TP53BP1: variants seen among roughly 807,000 people sequenced by gnomAD.
TP53BP1 encodes TP53-binding protein 1.
Under a neutral mutation model 200.8 loss-of-function variants are expected in TP53BP1, and 61 were observed. The observed-to-expected ratio is 0.30, with a 90% confidence interval of 0.25 to 0.38. TP53BP1 has a LOEUF of 0.38. Among genes scored for constraint, TP53BP1 ranks in the 10% least tolerant of loss-of-function variants. The pLI is 1.00. For missense variants in TP53BP1, 2,144 were observed against 2,371.9 expected, an observed-to-expected ratio of 0.90 and a Z score of 2.00; for synonymous variants, 822 against 844.3, an observed-to-expected ratio of 0.97 and a Z score of 0.46.
chr15:43,466,335 GTT>G lies in TP53BP1; in HGVS notation c.1389+3521_1389+3522del, dbSNP rs1427757556. ...AAGGCTCCTCAACATCCTGAAAGGAGTTTCTGACAATTGGTGGAGAATCTAGG... is the reference window on the plus strand; with the variant it reads ...AAGGCTCCTCAACATCCTGAAAGGAGTCTGACAATTGGTGGAGAATCTAGG... On this transcript the variant is annotated intron_variant, in intron 11 of 27. Coordinates refer to ENST00000382044, the MANE Select transcript of TP53BP1 (RefSeq NM_001141980.3). Among the ~76,000 whole-genome samples, 4 of 152,182 alleles carry G rather than the reference GTT, an allele frequency of 2.6e-5. No homozygotes were observed. The East Asian group carries it at 7.7e-4, about 29-fold the overall frequency.
In TP53BP1 at chr15:43,446,418, C is replaced by T. The variant is rs45479696; in HGVS notation, c.3009G>A (p.Ala1003=). The change falls in exon 14 of 28, where the codon GCG becomes GCA. Residue 1003 remains alanine (A), a synonymous_variant. Coordinates refer to ENST00000382044, the MANE Select transcript of TP53BP1 (RefSeq NM_001141980.3). ...RMKLVSPETE[A]SEESLQFNLE... ...GGTTGAACTGCAAAGACTCTTCACT[C>T]GCCTCAGTCTCAGGACTAACCAGTT... The T allele has an allele frequency of 7.4e-6, 12 of 1,614,152 alleles. No homozygotes were observed. In the East Asian group the frequency reaches 1.3e-4, roughly 18 times the overall value.
At chr15:43,416,090 G>C (rs1461016383) in intron 22 of TP53BP1, 135 bp downstream of exon 22, 28 of 850,270 alleles carry the variant, frequency 3.3e-5, no homozygotes, top group Non-Finnish European at 4.6e-5. Context: ...GAAAATGACA[G>C]CTCATCCACC....
chr15:43,465,482 G>T (rs955326264), intron 11 of TP53BP1, among the ~76,000 whole-genome samples: 1 of 151,324 alleles, frequency 6.6e-6, no homozygotes, highest in Non-Finnish European at 1.5e-5. Context: ...AAAAGTAGGA[G>T]GCAAAATAAA....
intron 12 of TP53BP1, among the ~76,000 whole-genome samples, chr15:43,448,515 T>G (rs1032980779): frequency 1.2e-4 from 18 of 152,094 alleles, no homozygotes; most frequent in African/African-American, 4.3e-4. Context: ...GATAATTTTT[T>G]CCTTTAAAAC....
intron 17 of TP53BP1, among the ~76,000 whole-genome samples, chr15:43,431,016 A>G (rs1004479127): frequency 2.0e-5 from 3 of 152,184 alleles, no homozygotes; most frequent in African/African-American, 7.2e-5. Flanking sequence ...ACTTGAATGC[A>G]AGCAATGCAA....
chr15:43,452,096 C>G (rs1228326245), intron 12 of TP53BP1, among the ~76,000 whole-genome samples: 1 of 152,220 alleles, frequency 6.6e-6, no homozygotes, highest in Non-Finnish European at 1.5e-5. Flanking sequence ...GATCATGTCA[C>G]TGCACTCCAG....
chr15:43,456,082 T>A lies in TP53BP1; in HGVS notation c.2526A>T (p.Leu842Phe). 6.2e-7 allele frequency: 1 copy of A among 1,614,224 alleles called. No homozygotes were observed. The highest frequency in any genetic ancestry group is 8.5e-7 in the Non-Finnish European group (1 of 1,180,036). Residue 842 changes from leucine to phenylalanine, a missense_variant, in exon 12 of 28, where the codon TTA (leucine) becomes TTT (phenylalanine). Transcript: ENST00000382044. The stretch of plus-strand genomic sequence containing the variant: ...GTCTTAAAGGATCATCTGCTCTCAC[T>A]AAAGGTAAGGAAGGCTGTGAAGAAT... ...EQDSSQPSLP[L>F]VRADDPLRLD...
chr15:43,404,317 A>C lies in TP53BP1; in HGVS notation c.*3066T>G. 1 of 1,492,416 alleles carries C rather than the reference A, an allele frequency of 6.7e-7. No individual in the cohort carries two copies. The allele number at this position is 1,492,416 out of a possible 1,614,324, so 92.4% of individuals were successfully genotyped here. ...CAGGTGGTTCTGTAGAATTTTGAACAAGGCTTTTCCAAGAAACTCCTCCCT... is the reference window on the plus strand; with the variant it reads ...CAGGTGGTTCTGTAGAATTTTGAACCAGGCTTTTCCAAGAAACTCCTCCCT... On this transcript the variant is annotated 3_prime_UTR_variant, in exon 28 of 28. Coordinates refer to ENST00000382044, the MANE Select transcript of TP53BP1 (RefSeq NM_001141980.3).
chr15:43,460,567 CTA>C (rs1224781311), intron 11 of TP53BP1, among the ~76,000 whole-genome samples: 1 of 152,004 alleles, frequency 6.6e-6, no homozygotes, highest in Non-Finnish European at 1.5e-5. Flanking sequence ...GCTTTTTTTC[CTA>C]TGATTTTTAA....
chr15:43,478,144 T>A (rs1313231453), intron 7 of TP53BP1, among the ~76,000 whole-genome samples: 1 of 152,234 alleles, frequency 6.6e-6, no homozygotes, highest in Admixed American at 6.5e-5. Context: ...TGACATTCCA[T>A]GGAAAGCATT....
intron 24 of TP53BP1, among the ~76,000 whole-genome samples, chr15:43,410,212 T>C (rs1197541168): frequency 6.6e-6 from 1 of 152,248 alleles, no homozygotes; most frequent in Non-Finnish European, 1.5e-5. Context: ...GGGTTTATTA[T>C]AAACCACTGC....
At chr15:43,416,036 TTC>T (rs772912184) in intron 22 of TP53BP1, among the ~76,000 whole-genome samples, 187 bp downstream of exon 22, 15 of 152,176 alleles carry the variant, frequency 9.9e-5, no homozygotes, top group Admixed American at 2.0e-4. Flanking sequence ...CCTAAGGACT[TTC>T]TGTTTGGTAC....
At chr15:43,474,269 C>A (rs1183328912) in intron 10 of TP53BP1, among the ~76,000 whole-genome samples, 1 of 152,160 alleles carries the variant, frequency 6.6e-6, no homozygotes, top group African/African-American at 2.4e-5. Flanking sequence ...TCCCTGCACG[C>A]CTCCCTGCAA....
At chr15:43,466,223 A>T (rs1392357578) in intron 11 of TP53BP1, among the ~76,000 whole-genome samples, 1 of 152,212 alleles carries the variant, frequency 6.6e-6, no homozygotes, top group Non-Finnish European at 1.5e-5. Flanking sequence ...GTTAACAGTT[A>T]TGCACCAGGC....
In TP53BP1 at chr15:43,421,898, C is replaced by A; in HGVS notation, c.4057G>T (p.Asp1353Tyr). 6.2e-7 allele frequency: 1 copy of A among 1,614,248 alleles called. No individual in the cohort carries two copies. Among genetic ancestry groups the A allele is most frequent in the Non-Finnish European group, 8.5e-7 (1 of 1,180,048 alleles). The change falls in exon 19 of 28, where the codon GAT becomes TAT. Residue 1353 changes from aspartate (D) to tyrosine (Y), a missense_variant. Around this residue, in one of 4 missense-constraint regions of TP53BP1, gnomAD observed 1,700 missense variants for 1,710.3 expected, o/e 0.99. Coordinates refer to ENST00000382044, the MANE Select transcript of TP53BP1 (RefSeq NM_001141980.3). ...RGKTSGTEPA[D>Y]FALPSSRGGP... is the part of the protein sequence containing the mutation. ...CCTCGGGAGCTGGGTAAGGCAAAAT[C>A]TGCGGGTTCTGTCCCGCTGGTTTTC...
At chr15:43,430,722 T>C in intron 17 of TP53BP1, among the ~76,000 whole-genome samples, 1 of 152,168 alleles carries the variant, frequency 6.6e-6, no homozygotes, top group Non-Finnish European at 1.5e-5. Flanking sequence ...CTATACACTA[T>C]GTTTCTTCCT....
chr15:43,479,862 T>C lies in TP53BP1; in HGVS notation c.655A>G (p.Thr219Ala), dbSNP rs1350629710. The change falls in exon 6 of 28, where the codon ACT becomes GCT. Residue 219 changes from threonine to alanine, a missense_variant. By Grantham distance (58) the Thr-to-Ala change is moderately conservative. Transcript: ENST00000382044. ...YTRLSDVDAN[T>A]AIKHEEQSNE... ...TGCCAGAAAACATGTTTCATACCAGTATTAGCATCCACATCAGACAGCCTG... is the reference window on the plus strand; with the variant it reads ...TGCCAGAAAACATGTTTCATACCAGCATTAGCATCCACATCAGACAGCCTG... The C allele has an allele frequency of 1.2e-6, 2 of 1,614,206 alleles. No individual in the cohort carries two copies. Among genetic ancestry groups the C allele is most frequent in the Admixed American group, 3.3e-5 (2 of 60,028 alleles).
intron 11 of TP53BP1, among the ~76,000 whole-genome samples, chr15:43,465,014 T>C (rs531895305): frequency 6.6e-6 from 1 of 152,098 alleles, no homozygotes; most frequent in African/African-American, 2.4e-5. Context: ...GGAATGAAAA[T>C]CTGATACATG....
chr15:43,416,269 T>G lies in TP53BP1; in HGVS notation c.4829A>C (p.Tyr1610Ser), dbSNP rs967580819. The G allele has an allele frequency of 6.2e-7, 1 of 1,614,194 alleles. No homozygotes were observed. The highest frequency in any genetic ancestry group is 8.5e-7 in the Non-Finnish European group (1 of 1,180,022). Residue 1610 changes from tyrosine to serine, a missense_variant, in exon 22 of 28, where the codon TAT (tyrosine) becomes TCT (serine). Physicochemically the swap from Tyr to Ser is moderately radical, Grantham distance 144 (BLOSUM62 -2). This residue lies in a region of TP53BP1 where 334 missense variants were observed against 453.4 expected (regional missense o/e 0.74). Transcript: ENST00000382044. ...CTTTGTAAGAGGTGTTACTGCTTCA[T>G]AGGGGCCAAGCCCATACTGCTCTCT... ...RLREQYGLGP[Y>S]EAVTPLTKAA...
Sources: gnomAD v4.1 joint callset for allele counts (sites outside exome capture counted in the v4.1 genomes callset) on GRCh38, gnomAD v4.1.1 for gene constraint, gnomAD v4.1.1 regional missense constraint, MANE v1.5 for transcripts, NCBI Gene and HGNC (gene_info 2026-07-23, HGNC 2026-07-21) for gene names.